The following WDPCP variants were observed in gnomAD, a reference collection of about 807,000 sequenced individuals.
The protein encoded by WDPCP is WD repeat containing planar cell polarity effector.
Under a neutral mutation model 93.1 loss-of-function variants are expected in WDPCP, and 71 were observed. That is an observed-to-expected ratio of 0.76 (90% CI 0.63 to 0.93). The LOEUF (loss-of-function observed/expected upper bound fraction) is 0.93. Among genes scored for constraint, WDPCP ranks in the 40% least tolerant of loss-of-function variants. The pLI is 0.00. For synonymous variants in WDPCP, 315 were observed against 315.0 expected, an observed-to-expected ratio of 1.00 and a Z score of 0.00; for missense variants, 844 against 887.4, an observed-to-expected ratio of 0.95 and a Z score of 0.62.
chr2:63,331,116 A>G (rs909288915), intron 12 of WDPCP, among the ~76,000 whole-genome samples: 2 of 152,022 alleles, frequency 1.3e-5, no homozygotes, highest in African/African-American at 4.8e-5. Flanking sequence ...TTGGCCTCCC[A>G]CAGTGTTGGG....
At chr2:63,378,026 A>G (rs1287157797) in intron 12 of WDPCP, 1 of 195,676 alleles carries the variant, frequency 5.1e-6, no homozygotes, top group Non-Finnish European at 1.1e-5. Context: ...CAAACTAATG[A>G]CTGTCTCAGA....
At chr2:63,412,044 C>T (rs1039636295) in intron 9 of WDPCP, among the ~76,000 whole-genome samples, 4 of 151,994 alleles carry the variant, frequency 2.6e-5, no homozygotes, top group African/African-American at 9.7e-5. Context: ...CCGGCATCAC[C>T]CTAATACCAA....
chr2:63,575,421 G>GTATATACACTGTA (rs768124525), intron 1 of WDPCP, among the ~76,000 whole-genome samples: 2 of 53,740 alleles, frequency 3.7e-5, no homozygotes, highest in Non-Finnish European at 6.1e-5. Flanking sequence ...TATATACACT[G>GTATATACACTGTA]TATACAGTGT....
At chr2:63,575,472 A>G (rs377539019) in intron 1 of WDPCP, among the ~76,000 whole-genome samples, 166 of 3,174 alleles carry the variant, frequency 0.052, 31 homozygotes, top group Admixed American at 0.18. Flanking sequence ...TATATGCAGT[A>G]TATACAGTGT....
intron 12 of WDPCP, among the ~76,000 whole-genome samples, chr2:63,340,543 G>T (rs994052730): frequency 1.9e-4 from 29 of 152,188 alleles, no homozygotes; most frequent in African/African-American, 7.0e-4. Flanking sequence ...TCTCCTACCA[G>T]GGACCCCAAT....
chr2:63,492,464 T>A (rs1388807943), intron 2 of WDPCP, among the ~76,000 whole-genome samples: 1 of 151,862 alleles, frequency 6.6e-6, no homozygotes, highest in Non-Finnish European at 1.5e-5. Context: ...GAAAAAAAAT[T>A]GAATATGTAT....
In WDPCP at chr2:63,319,380, G is replaced by A. The variant is rs1686916377; in HGVS notation, c.1749-6069C>T. ...TACTTAATAAAATAGGCTCAAAAAT[G>A]TATAAAGCAAAACATGAATAGAATT... is the stretch of plus-strand genomic sequence containing the variant. On this transcript the variant is annotated intron_variant, in intron 12 of 17. Coordinates refer to ENST00000272321, the MANE Select transcript of WDPCP (RefSeq NM_015910.7). Among the ~76,000 whole-genome samples the A allele has an allele frequency of 2.0e-5, 3 of 152,146 alleles. No homozygotes were observed. In the South Asian group the frequency reaches 6.2e-4, roughly 31 times the overall value.
rs145052333 is a variant in WDPCP, at chr2:63,209,816, C to G, written c.1916-34984G>C. 2.3e-4 allele frequency among the ~76,000 whole-genome samples: 35 copies of G among 152,090 alleles called. No homozygotes were observed. In the East Asian group the frequency reaches 6.6e-3, roughly 29 times the overall value. ...ATATTCATACAATTGAATAATATAG[C>G]TATAAAAAAGAGAAGGGGTCAGTCA... On this transcript the variant is annotated intron_variant, in intron 14 of 17. Coordinates refer to ENST00000272321, the MANE Select transcript of WDPCP (RefSeq NM_015910.7).
Position 63,198,542 on chromosome 2 carries a change from T to C in WDPCP, c.1916-23710A>G, listed in dbSNP as rs1465420081. Among the ~76,000 whole-genome samples, 7 of 152,130 alleles carry C rather than the reference T, an allele frequency of 4.6e-5. No individual in the cohort carries two copies. The East Asian group carries it at 1.2e-3, about 25-fold the overall frequency. On this transcript the variant is annotated intron_variant, in intron 14 of 17. Transcript: ENST00000272321. ...GGAGGAAGAGCCTGGTGGGAGGTGATTGGATCATGGAGGCAGATTTTGCCC... is the reference window on the plus strand; with the variant it reads ...GGAGGAAGAGCCTGGTGGGAGGTGACTGGATCATGGAGGCAGATTTTGCCC...
At chr2:63,774,931 C>T (rs914787791) in intron 2 of WDPCP, among the ~76,000 whole-genome samples, 1 of 152,148 alleles carries the variant, frequency 6.6e-6, no homozygotes, top group Non-Finnish European at 1.5e-5. Context: ...ACATCAATCT[C>T]ATGCTTTAAG....
Position 63,564,334 on chromosome 2 carries a change from T to C in WDPCP, c.75+23863A>G, listed in dbSNP as rs147659967. 3 of 152,352 alleles carry C rather than the reference T, an allele frequency of 2.0e-5. No individual in the cohort carries two copies. The East Asian group carries it at 5.8e-4, about 29-fold the overall frequency. 9.4% of individuals were successfully genotyped at this position (152,352 alleles called of 1,614,324 possible). ...GTTAGAATTCTGTAACCTGTGGTTTTGGAATATTCAATTCAGCAAATGTGC... is the reference window on the plus strand; with the variant it reads ...GTTAGAATTCTGTAACCTGTGGTTTCGGAATATTCAATTCAGCAAATGTGC... On this transcript the variant is annotated intron_variant, in intron 1 of 17. Transcript: ENST00000272321.
At chr2:63,637,325 C>T (rs1184765760) in intron 3 of WDPCP, among the ~76,000 whole-genome samples, 1 of 149,280 alleles carries the variant, frequency 6.7e-6, no homozygotes, top group Non-Finnish European at 1.5e-5. Context: ...GCACTCCAGC[C>T]TAGGTGACAG....
chr2:63,271,838 A>G (rs1269515416), intron 13 of WDPCP, among the ~76,000 whole-genome samples: 1 of 151,990 alleles, frequency 6.6e-6, no homozygotes, highest in Non-Finnish European at 1.5e-5. Context: ...ATCAACCTAC[A>G]TGTGCCACCT....
intron 13 of WDPCP, among the ~76,000 whole-genome samples, chr2:63,268,407 A>G (rs1229197047): frequency 1.3e-5 from 2 of 152,202 alleles, no homozygotes; most frequent in Admixed American, 6.5e-5. Flanking sequence ...TTTACACTAT[A>G]TGATGACCAG....
intron 10 of WDPCP, among the ~76,000 whole-genome samples, chr2:63,387,994 A>G (rs1317886304): frequency 1.3e-5 from 2 of 152,194 alleles, no homozygotes; most frequent in Admixed American, 1.3e-4. Context: ...AAATGGAAAA[A>G]CATTCAAAGC....
At chr2:63,309,613 C>A (rs1284276518) in intron 13 of WDPCP, among the ~76,000 whole-genome samples, 1 of 152,156 alleles carries the variant, frequency 6.6e-6, no homozygotes, top group East Asian at 1.9e-4. Context: ...TTAAACAACA[C>A]AATAAATCAA....
At chr2:63,213,627 A>G (rs1574891730) in intron 14 of WDPCP, among the ~76,000 whole-genome samples, 1 of 152,112 alleles carries the variant, frequency 6.6e-6, no homozygotes, top group Non-Finnish European at 1.5e-5. Flanking sequence ...TAAGAACAGA[A>G]CAGAACTGAA....
At chr2:63,725,339 C>A (rs551046356) in intron 2 of WDPCP, among the ~76,000 whole-genome samples, 8 of 152,210 alleles carry the variant, frequency 5.3e-5, no homozygotes, top group African/African-American at 1.9e-4. Flanking sequence ...GGATAATGGC[C>A]TACAGTTGCA....
chr2:63,165,708 T>C (rs1156330690), intron 15 of WDPCP, among the ~76,000 whole-genome samples: 1 of 150,914 alleles, frequency 6.6e-6, no homozygotes, highest in Non-Finnish European at 1.5e-5. Flanking sequence ...TATCTATTGT[T>C]TTCTAAGTTT....
Sources: allele counts gnomAD v4.1 joint callset (sites outside exome capture counted in the v4.1 genomes callset), GRCh38; gene constraint gnomAD v4.1.1; transcripts MANE v1.5; gene names NCBI Gene and HGNC (gene_info 2026-07-23, HGNC 2026-07-21).